The following FHIT variants were observed in gnomAD, a reference collection of about 807,000 sequenced individuals.
The protein encoded by FHIT is bis(5'-adenosyl)-triphosphatase.
FHIT carries 19 observed loss-of-function variants against 17.9 expected under a neutral mutation model. That is an observed-to-expected ratio of 1.06 (90% confidence interval 0.74 to 1.56). The LOEUF (loss-of-function observed/expected upper bound fraction) is 1.56, where lower values mean the gene tolerates loss of function less well. Among genes scored for constraint, FHIT ranks in the 40% most tolerant of loss-of-function variants. FHIT has a pLI of 0.00. For synonymous variants in FHIT, 81 were observed against 69.7 expected (o/e 1.16, Z -0.81); for missense variants, 248 against 189.2 (o/e 1.31, Z -1.82).
At chr3:59,800,289 G>A (rs1699941834) in intron 8 of FHIT, among the ~76,000 whole-genome samples, 1 of 152,112 alleles carries the variant, frequency 6.6e-6, no homozygotes, top group Admixed American at 6.5e-5. Context: ...TGCTTTGCAG[G>A]TAGAGGAATA....
chr3:60,702,525 T>C (rs1441759248), intron 4 of FHIT, among the ~76,000 whole-genome samples: 1 of 152,104 alleles, frequency 6.6e-6, no homozygotes, highest in Non-Finnish European at 1.5e-5. Context: ...TCCAAAGTAA[T>C]TTTTTTCTAT....
chr3:60,791,154 C>A (rs1354919549), intron 4 of FHIT, among the ~76,000 whole-genome samples: 3 of 152,068 alleles, frequency 2.0e-5, no homozygotes, highest in Non-Finnish European at 4.4e-5. Flanking sequence ...GAAAAGACTG[C>A]TCAAGCTGGC....
At chr3:60,832,613 G>A (rs975466745) in intron 3 of FHIT, among the ~76,000 whole-genome samples, 7 of 151,592 alleles carry the variant, frequency 4.6e-5, no homozygotes, top group Non-Finnish European at 8.8e-5. Context: ...GACATACGTG[G>A]TCACAACTAT....
Position 60,860,533 on chromosome 3 carries a change from CAGGTATATA to C in FHIT, c.-110-38531_-110-38523del, listed in dbSNP as rs1559779485. On this transcript the variant is annotated intron_variant, in intron 3 of 9. Coordinates refer to ENST00000492590, the MANE Select transcript of FHIT (RefSeq NM_002012.4). ...TATGATACATATGTATCATATATAT[CAGGTATATA>C]TGATACATATGTATCATATATCAGG... 6.6e-3 allele frequency among the ~76,000 whole-genome samples: 186 copies of C among 27,974 alleles called. 9 individuals are homozygous for C. The highest frequency in any genetic ancestry group is 0.014 in the African/African-American group (180 of 12,806). The allele number at this position is 27,974 out of a possible 152,430, so 18.4% of individuals were successfully genotyped here.
intron 4 of FHIT, among the ~76,000 whole-genome samples, chr3:60,542,576 G>A (rs565878045): frequency 1.3e-5 from 2 of 152,126 alleles, no homozygotes; most frequent in East Asian, 1.9e-4. Flanking sequence ...CTTATGAATT[G>A]CCAATTCATA....
In FHIT at chr3:60,625,337, G is replaced by A. The variant is rs553381389; in HGVS notation, c.-17-88358C>T. ...GAATTGCTGAATCATATGGCAATTC[G>A]TTTTTCAACCTTTTGGGGAAATGAT... On this transcript the variant is annotated intron_variant, in intron 4 of 9. Transcript: ENST00000492590. Among the ~76,000 whole-genome samples the A allele has an allele frequency of 3.9e-5, 6 of 152,278 alleles. No homozygotes were observed. In the South Asian group the frequency reaches 1.0e-3, roughly 26 times the overall value.
At chr3:60,790,370 C>T (rs1553728167) in intron 4 of FHIT, among the ~76,000 whole-genome samples, 1 of 152,164 alleles carries the variant, frequency 6.6e-6, no homozygotes, top group East Asian at 1.9e-4. Flanking sequence ...TATGTCACAA[C>T]ATATTCTAAA....
chr3:60,024,049 T>C (rs1700649875), intron 5 of FHIT, among the ~76,000 whole-genome samples: 1 of 151,650 alleles, frequency 6.6e-6, no homozygotes, highest in Admixed American at 6.6e-5. Context: ...GCTAAAGGGA[T>C]AGAAAAATAA....
At chr3:60,280,486 A>T (rs1707377607) in intron 5 of FHIT, among the ~76,000 whole-genome samples, 1 of 152,192 alleles carries the variant, frequency 6.6e-6, no homozygotes, top group Non-Finnish European at 1.5e-5. Flanking sequence ...AATCATAAAT[A>T]TCCTTATAAG....
intron 5 of FHIT, among the ~76,000 whole-genome samples, chr3:60,514,002 G>C (rs904704985): frequency 6.6e-6 from 1 of 152,120 alleles, no homozygotes; most frequent in Non-Finnish European, 1.5e-5. Context: ...GGAGAAGTTT[G>C]GCCAGGGACA....
rs146044012 is a variant in FHIT, at chr3:60,353,737, T to C, written c.103+183123A>G. Among the ~76,000 whole-genome samples the C allele has an allele frequency of 1.2e-4, 18 of 152,142 alleles. No homozygotes were observed. In the East Asian group the frequency reaches 1.7e-3, roughly 15 times the overall value. On this transcript the variant is annotated intron_variant, in intron 5 of 9. Coordinates refer to ENST00000492590, the MANE Select transcript of FHIT (RefSeq NM_002012.4). ...AGAATAGCCAATTCCCAGAAGTATT[T>C]GAGTGGCTGAAAAACAAATCTGTAA...
At chr3:60,156,519 C>G (rs6790458) in intron 5 of FHIT, among the ~76,000 whole-genome samples, 94,663 of 151,926 alleles carry the variant, frequency 0.62, 30,473 homozygotes, top group African/African-American at 0.78. Flanking sequence ...GAGGCCAAGG[C>G]GGAAGAATCA....
chr3:59,982,470 A>T (rs1708696913), intron 7 of FHIT, among the ~76,000 whole-genome samples: 2 of 152,310 alleles, frequency 1.3e-5, no homozygotes, highest in South Asian at 4.1e-4. Flanking sequence ...AGCACAAACC[A>T]ATTCACCTAA....
intron 5 of FHIT, among the ~76,000 whole-genome samples, chr3:60,115,386 G>A (rs1704910190): frequency 1.3e-5 from 2 of 152,026 alleles, no homozygotes; most frequent in Admixed American, 1.3e-4. Flanking sequence ...AATATATGTG[G>A]TTAACTACCA....
At chr3:60,805,236 T>C (rs2106685620) in intron 4 of FHIT, among the ~76,000 whole-genome samples, 1 of 152,310 alleles carries the variant, frequency 6.6e-6, no homozygotes, top group South Asian at 2.1e-4. Context: ...ATATGTCAAT[T>C]ACCACCTTAG....
intron 5 of FHIT, among the ~76,000 whole-genome samples, chr3:60,083,561 C>G (rs1703376902): frequency 6.6e-6 from 1 of 152,140 alleles, no homozygotes; most frequent in Non-Finnish European, 1.5e-5. Context: ...ATTAATGATA[C>G]TGATTCTTCC....
intron 2 of FHIT, among the ~76,000 whole-genome samples, chr3:61,104,461 T>A (rs2035932449): frequency 6.6e-6 from 1 of 152,206 alleles, no homozygotes; most frequent in African/African-American, 2.4e-5. Context: ...AACTTCCCTT[T>A]GTAGGTGAGC....
intron 5 of FHIT, among the ~76,000 whole-genome samples, chr3:60,387,269 G>A (rs779198088): frequency 2.6e-5 from 4 of 152,026 alleles, no homozygotes; most frequent in East Asian, 1.9e-4. Context: ...GGGATTACAG[G>A]TGTGAGCCAC....
chr3:60,345,508 C>A (rs780033859), intron 5 of FHIT, among the ~76,000 whole-genome samples: 8 of 152,208 alleles, frequency 5.3e-5, no homozygotes, highest in Admixed American at 3.9e-4. Flanking sequence ...TTCAAGCTCA[C>A]AGAGAATGGA....
Sources: gnomAD v4.1 joint callset for allele counts (sites outside exome capture counted in the v4.1 genomes callset) on GRCh38, gnomAD v4.1.1 for gene constraint, MANE v1.5 for transcripts, NCBI Gene and HGNC (gene_info 2026-07-23, HGNC 2026-07-21) for gene names.